Variants in ZNF469 observed in about 807,000 individuals in gnomAD.
The protein encoded by ZNF469 is zinc finger protein 469.
A neutral mutation model predicts 1.0 loss-of-function variants in ZNF469; 1 was observed. The observed-to-expected ratio is 1.00, with a 90% CI of 0.35 to 4.73. The LOEUF (loss-of-function observed/expected upper bound fraction) is 4.73, where lower values mean the gene tolerates loss of function less well. ZNF469 is among the 30% of genes most tolerant of loss of function. ZNF469 has a pLI of 0.16. For synonymous variants in ZNF469, 2,703 were observed against 2,363.4 expected (o/e 1.14, Z -4.17); for missense variants, 6,100 against 5,356.3 (o/e 1.14, Z -4.33).
At chr16:88,146,242 G>A in the ZNF469 span, among the ~76,000 whole-genome samples, 14,406 of 152,268 alleles carry the variant, frequency 0.095, 2,269 homozygotes, top group African/African-American at 0.33. Flanking sequence ...TGCCTGGCAC[G>A]TGGCAGGTGC....
the ZNF469 span, among the ~76,000 whole-genome samples, chr16:88,213,195 T>C: frequency 8.6e-5 from 13 of 152,026 alleles, no homozygotes; most frequent in Non-Finnish European, 1.9e-4. Flanking sequence ...GCCTCCCTGG[T>C]TCACGCCACT....
chr16:88,143,790 C>A, the ZNF469 span, among the ~76,000 whole-genome samples: 1 of 152,234 alleles, frequency 6.6e-6, no homozygotes, highest in Non-Finnish European at 1.5e-5. Context: ...CTCTGATCGG[C>A]CCCTGCCTGT....
At chr16:88,129,765 G>T in the ZNF469 span, among the ~76,000 whole-genome samples, 2 of 152,364 alleles carry the variant, frequency 1.3e-5, no homozygotes, top group Admixed American at 1.3e-4. Flanking sequence ...GAGGGCTGCG[G>T]TGGGAGGATC....
At chr16:88,151,409 G>A in the ZNF469 span, among the ~76,000 whole-genome samples, 4 of 152,216 alleles carry the variant, frequency 2.6e-5, no homozygotes, top group Non-Finnish European at 2.9e-5. The surrounding 1 kb of genome is among the most constrained non-coding windows in gnomAD (Gnocchi z 5.4). Flanking sequence ...GAGAATGAGT[G>A]TTTCCCGATG....
At chr16:88,245,564 C>A in the ZNF469 span, among the ~76,000 whole-genome samples, 3 of 152,234 alleles carry the variant, frequency 2.0e-5, no homozygotes, top group Non-Finnish European at 2.9e-5. Flanking sequence ...GCAACAGTCG[C>A]CTCTGAGCTT....
the ZNF469 span, among the ~76,000 whole-genome samples, chr16:88,240,334 G>C: frequency 6.6e-6 from 1 of 152,190 alleles, no homozygotes; most frequent in Non-Finnish European, 1.5e-5. Context: ...GTGTGATGGG[G>C]GAAGAGAGAG....
the ZNF469 span, among the ~76,000 whole-genome samples, chr16:88,154,575 C>T: frequency 6.6e-6 from 1 of 152,224 alleles, no homozygotes; most frequent in African/African-American, 2.4e-5. Flanking sequence ...TCGCTGGCCT[C>T]CAAGGCCAGC....
At position 88,433,901 on chromosome 16, in the gene ZNF469, G is replaced by A. The variant is rs56704016; in HGVS notation, c.6431G>A (p.Gly2144Asp). 3.2e-6 allele frequency: 5 copies of A among 1,549,150 alleles called. No homozygotes were observed. Among genetic ancestry groups the A allele is most frequent in the African/African-American group, 1.4e-5 (1 of 73,168 alleles). Residue 2144 changes from glycine to aspartate, a missense_variant, in exon 3 of 3, where the codon GGT becomes GAT. Transcript: ENST00000565624. ...DPLTSPSRAQ[G>D]GLGGQLPASP... is the part of the protein sequence containing the mutation. ...CTTACCTCGCCTTCCAGGGCCCAAGGTGGGCTGGGGGGGCAGCTGCCAGCA... is the reference window on the plus strand; with the variant it reads ...CTTACCTCGCCTTCCAGGGCCCAAGATGGGCTGGGGGGGCAGCTGCCAGCA...
rs971633412 is a variant in ZNF469 at position 88,439,299 on chromosome 16, C to G, written c.11829C>G (p.Phe3943Leu). ...TCTTCGGGCAGAGACTAACTGGCTTCAAAATCCCTTTAAAGAAAGATGCTT... is the reference window on the plus strand; with the variant it reads ...TCTTCGGGCAGAGACTAACTGGCTTGAAAATCCCTTTAAAGAAAGATGCTT... Reference protein sequence around the residue: ...SQLFGQRLTGFKIPLKKDASE With the variant: ...SQLFGQRLTGLKIPLKKDASE The change falls in exon 3 of 3, where the codon TTC becomes TTG. Residue 3943 changes from phenylalanine (F) to leucine (L), a missense_variant. Physicochemically the swap from Phe to Leu is conservative, Grantham distance 22 (BLOSUM62 0). Coordinates refer to ENST00000565624, the MANE Select transcript of ZNF469 (RefSeq NM_001367624.2). 5 of 1,550,288 alleles carry G rather than the reference C, an allele frequency of 3.2e-6. No homozygotes were observed. The highest frequency in any genetic ancestry group is 2.7e-5 in the African/African-American group (2 of 73,070).
chr16:88,198,017 G>A, the ZNF469 span, among the ~76,000 whole-genome samples: 24 of 152,350 alleles, frequency 1.6e-4, no homozygotes, highest in South Asian at 4.8e-3. Context: ...AGCTTTTGAG[G>A]GAGGAGTGTC....
At chr16:88,262,161 G>T in the ZNF469 span, among the ~76,000 whole-genome samples, 1 of 152,198 alleles carries the variant, frequency 6.6e-6, no homozygotes. The surrounding 1 kb of genome is among the most constrained non-coding windows in gnomAD (Gnocchi z 4.3). Context: ...ATTAGTGAAG[G>T]AATTGCATTC....
the ZNF469 span, among the ~76,000 whole-genome samples, chr16:88,259,770 C>T: frequency 0.03 from 4,503 of 152,260 alleles, 225 homozygotes; most frequent in African/African-American, 0.1. This position sits in a 1 kb window ranked among gnomAD's most constrained non-coding sequence, Gnocchi z 4.1. Context: ...AGTCCAGGCG[C>T]TGATCCCTCC....
the ZNF469 span, among the ~76,000 whole-genome samples, chr16:88,301,853 C>A: frequency 6.6e-6 from 1 of 152,168 alleles, no homozygotes; most frequent in Non-Finnish European, 1.5e-5. Flanking sequence ...GCTCAGCATC[C>A]CAGGCTGCAG....
In ZNF469 at chr16:88,435,998, G is replaced by T. The variant is rs1301478529; in HGVS notation, c.8528G>T (p.Gly2843Val). 8 of 1,550,022 alleles carry T rather than the reference G, an allele frequency of 5.2e-6. No individual in the cohort carries two copies. The highest frequency in any genetic ancestry group is 7.0e-6 in the Non-Finnish European group (8 of 1,147,000). The change falls in exon 3 of 3, where the codon GGC (glycine) becomes GTC (valine). Residue 2843 changes from glycine (G) to valine (V), a missense_variant. By Grantham distance (109) the Gly-to-Val change is moderately radical. Coordinates refer to ENST00000565624, the MANE Select transcript of ZNF469 (RefSeq NM_001367624.2). ...GAAGGCCCCACTCCTGATGCCTCTG[G>T]CTCCAGTGCCAAGGATCCTCCAAGC... is the stretch of plus-strand genomic sequence containing the variant. ...GPEGPTPDASGSSAKDPPSLF... is the reference protein window; with the variant it reads ...GPEGPTPDASVSSAKDPPSLF...
intron 1 of ZNF469, among the ~76,000 whole-genome samples, chr16:88,394,119 GAGC>G (rs1274902710): frequency 1.3e-5 from 2 of 151,484 alleles, no homozygotes; most frequent in Non-Finnish European, 3.0e-5. Context: ...TGTCTGAGAG[GAGC>G]GGGGTTTGAC....
chr16:88,308,331 A>C, the ZNF469 span, among the ~76,000 whole-genome samples: 16 of 152,188 alleles, frequency 1.1e-4, no homozygotes, highest in African/African-American at 3.9e-4. Flanking sequence ...TTTCCATATG[A>C]ATCTCAGGAT....
the ZNF469 span, among the ~76,000 whole-genome samples, chr16:88,309,957 C>A: frequency 2.0e-5 from 3 of 152,220 alleles, no homozygotes; most frequent in East Asian, 1.9e-4. Flanking sequence ...CCCAGGGTAG[C>A]CTGGCTTTGA....
intron 1 of ZNF469, among the ~76,000 whole-genome samples, chr16:88,408,407 C>G (rs1905069022): frequency 1.3e-5 from 2 of 152,254 alleles, no homozygotes; most frequent in African/African-American, 4.8e-5. Flanking sequence ...CCACCTTGGC[C>G]TCCCAAAGTG....
intron 1 of ZNF469, among the ~76,000 whole-genome samples, chr16:88,421,625 C>T (rs1905460684): frequency 6.6e-6 from 1 of 152,204 alleles, no homozygotes; most frequent in Non-Finnish European, 1.5e-5. Flanking sequence ...ATGGGATGGC[C>T]AAGTTCTGCC....
Sources: gnomAD v4.1 joint callset for allele counts (sites outside exome capture counted in the v4.1 genomes callset) on GRCh38, gnomAD v4.1.1 for gene constraint, Gnocchi (gnomAD v3.1) non-coding constraint, MANE v1.5 for transcripts, NCBI Gene and HGNC (gene_info 2026-07-23, HGNC 2026-07-21) for gene names.